Variants in SHQ1 observed in about 807,000 individuals in gnomAD.
SHQ1 encodes the protein SHQ1, H/ACA ribonucleoprotein assembly factor, also known as protein SHQ1 homolog.
SHQ1 carries 49 observed loss-of-function variants against 53.8 expected under a neutral mutation model. That is an observed-to-expected ratio of 0.91 (90% confidence interval 0.72 to 1.16). The LOEUF (loss-of-function observed/expected upper bound fraction) is 1.16, where lower values mean the gene tolerates loss of function less well. Among genes scored for constraint, SHQ1 ranks in the 50% most tolerant of loss-of-function variants. The pLI, the probability that SHQ1 is intolerant of heterozygous loss-of-function variation, is 0.00. For missense variants in SHQ1, 738 were observed against 683.1 expected (o/e 1.08, Z -0.90); for synonymous variants, 243 against 251.0 (o/e 0.97, Z 0.30).
chr3:72,732,393 C>CCTTCCTTCCTTCCTTG, the SHQ1 span, among the ~76,000 whole-genome samples: 1 of 128,392 alleles, frequency 7.8e-6, no homozygotes, highest in Non-Finnish European at 1.6e-5. Context: ...TGCCTGCCTT[C>CCTTCCTTCCTTCCTTG]CTTCCTTCCT....
At chr3:72,748,959 A>G (rs1705309384), downstream of SHQ1, among the ~76,000 whole-genome samples, 1 of 134,232 alleles carries the variant, frequency 7.4e-6, no homozygotes, top group South Asian at 2.2e-4. Context: ...TGTCTCAAAC[A>G]CACACGCACA....
At chr3:72,745,600 C>T (rs1211647629), downstream of SHQ1, among the ~76,000 whole-genome samples, 1 of 152,136 alleles carries the variant, frequency 6.6e-6, no homozygotes, top group Non-Finnish European at 1.5e-5. Context: ...ACAGGGCTGA[C>T]TCATTTTCAC....
downstream of SHQ1, among the ~76,000 whole-genome samples, chr3:72,748,690 CAAACA>C (rs146210833): frequency 0.063 from 9,589 of 151,834 alleles, 904 homozygotes; most frequent in African/African-American, 0.21. Flanking sequence ...GATTCCAGCT[CAAACA>C]AAACAAAACA....
intron 10 of SHQ1, chr3:72,753,088 C>A: frequency 3.0e-6 from 3 of 985,410 alleles, no homozygotes; most frequent in Non-Finnish European, 3.6e-6. Context: ...ACCAACATGA[C>A]ACAAACTGGC....
intron 9 of SHQ1, among the ~76,000 whole-genome samples, chr3:72,804,816 T>C (rs941179651): frequency 6.6e-6 from 1 of 152,196 alleles, no homozygotes; most frequent in African/African-American, 2.4e-5. Context: ...GATTATGCCA[T>C]ACTGTACCCC....
At chr3:72,846,355 C>T (rs1708328907) in intron 1 of SHQ1, 17 of 1,500,694 alleles carry the variant, frequency 1.1e-5, no homozygotes, top group Non-Finnish European at 1.4e-5. Context: ...AGTGCGATAG[C>T]GCAATCTTGG....
the SHQ1 span, among the ~76,000 whole-genome samples, chr3:72,729,431 A>G: frequency 1.3e-5 from 2 of 152,214 alleles, no homozygotes; most frequent in African/African-American, 4.8e-5. Flanking sequence ...CAGTCCAGAT[A>G]AGGCTGCATT....
At chr3:72,735,559 G>T in the SHQ1 span, among the ~76,000 whole-genome samples, 1 of 141,692 alleles carries the variant, frequency 7.1e-6, no homozygotes, top group South Asian at 2.4e-4. Context: ...GAGTCAGAGT[G>T]AGAGGGCACT....
chr3:72,741,403 A>T, the SHQ1 span, among the ~76,000 whole-genome samples: 1 of 152,122 alleles, frequency 6.6e-6, no homozygotes, highest in Non-Finnish European at 1.5e-5. Context: ...CTGGCCAACA[A>T]GGCAAAACCC....
At chr3:72,730,518 C>T in the SHQ1 span, among the ~76,000 whole-genome samples, 6 of 152,174 alleles carry the variant, frequency 3.9e-5, no homozygotes, top group African/African-American at 7.2e-5. Context: ...CCAGAGCCAA[C>T]GGACATCTTA....
At chr3:72,828,943 T>C (rs983377790) in intron 5 of SHQ1, among the ~76,000 whole-genome samples, 3 of 151,864 alleles carry the variant, frequency 2.0e-5, no homozygotes, top group Admixed American at 6.6e-5. Flanking sequence ...TCATGGTTGA[T>C]GGATCTGAAG....
At chr3:72,805,172 A>T (rs1706901329) in intron 9 of SHQ1, among the ~76,000 whole-genome samples, 1 of 152,250 alleles carries the variant, frequency 6.6e-6, no homozygotes, top group African/African-American at 2.4e-5. Flanking sequence ...AACAAAAAAA[A>T]ATTAATAAGA....
chr3:72,769,848 A>AC (rs1286016377), intron 10 of SHQ1, among the ~76,000 whole-genome samples: 2 of 152,158 alleles, frequency 1.3e-5, no homozygotes, highest in African/African-American at 4.8e-5. Context: ...CAAACAACTG[A>AC]CTGACCACAG....
intron 4 of SHQ1, among the ~76,000 whole-genome samples, chr3:72,835,938 G>C (rs1014511343): frequency 6.6e-6 from 1 of 152,102 alleles, no homozygotes; most frequent in Non-Finnish European, 1.5e-5. Context: ...CTGTTTACTT[G>C]TTATGTGTTT....
chr3:72,788,547 C>T (rs1194598067), intron 10 of SHQ1, among the ~76,000 whole-genome samples: 1 of 152,218 alleles, frequency 6.6e-6, no homozygotes, highest in Non-Finnish European at 1.5e-5. Context: ...TGAGGACCTC[C>T]TCTGCCCAGC....
intron 5 of SHQ1, among the ~76,000 whole-genome samples, chr3:72,825,310 A>T (rs967668727): frequency 6.6e-6 from 1 of 151,726 alleles, no homozygotes; most frequent in African/African-American, 2.4e-5. Flanking sequence ...AAACAAGCAG[A>T]TGAGTAGGAA....
chr3:72,836,249 G>T (rs1449766415), intron 4 of SHQ1, among the ~76,000 whole-genome samples: 1 of 152,172 alleles, frequency 6.6e-6, no homozygotes, highest in Non-Finnish European at 1.5e-5. Context: ...CAGCACTTTG[G>T]GAGGCCAAGG....
chr3:72,787,755 C>G (rs557275262), intron 10 of SHQ1, among the ~76,000 whole-genome samples: 1 of 150,664 alleles, frequency 6.6e-6, no homozygotes, highest in South Asian at 2.1e-4. Context: ...CGGTCTCCCT[C>G]TGATGCCGAG....
At chr3:72,743,023 G>A in the SHQ1 span, among the ~76,000 whole-genome samples, 8 of 152,284 alleles carry the variant, frequency 5.3e-5, no homozygotes, top group Middle Eastern at 0.01. Flanking sequence ...GCATTAACAG[G>A]CTTTTATGAA....
Sources: gnomAD v4.1 joint callset for allele counts (sites outside exome capture counted in the v4.1 genomes callset) on GRCh38, gnomAD v4.1.1 for gene constraint, MANE v1.5 for transcripts, NCBI Gene and HGNC (gene_info 2026-07-23, HGNC 2026-07-21) for gene names.